SFXN1: variants seen among roughly 807,000 people sequenced by gnomAD.
SFXN1 encodes sideroflexin-1.
A neutral mutation model predicts 39.5 loss-of-function variants in SFXN1; 32 were observed. That is an observed-to-expected ratio of 0.81 (90% CI 0.61 to 1.09). SFXN1 has a LOEUF of 1.09. Among genes scored for constraint, SFXN1 ranks in the 50% least tolerant of loss-of-function variants. The probability of loss-of-function intolerance (pLI) is 0.00; values close to 1 mark genes in which losing one functional copy is unlikely to be tolerated. For synonymous variants in SFXN1, 136 were observed against 146.5 expected (o/e 0.93, Z 0.52); for missense variants, 402 against 407.1 (o/e 0.99, Z 0.11).
chr5:175,508,222 ATTTTTTT>A (rs67028708), intron 2 of SFXN1, among the ~76,000 whole-genome samples: 1 of 63,908 alleles, frequency 1.6e-5, no homozygotes, highest in Admixed American at 2.4e-4. Context: ...AATAGATTTG[ATTTTTTT>A]TTTTTTTTTT....
At chr5:175,480,206 C>T (rs1759183739) in intron 1 of SFXN1, among the ~76,000 whole-genome samples, 1 of 152,182 alleles carries the variant, frequency 6.6e-6, no homozygotes, top group Non-Finnish European at 1.5e-5. Flanking sequence ...TCAAGACCAT[C>T]CTGGCTAAGC....
chr5:175,524,758 A>G (rs1430569792), intron 10 of SFXN1, among the ~76,000 whole-genome samples: 1 of 152,202 alleles, frequency 6.6e-6, no homozygotes, highest in Non-Finnish European at 1.5e-5. Flanking sequence ...TAGAAACAAA[A>G]TAGACAGTTG....
intron 8 of SFXN1, among the ~76,000 whole-genome samples, chr5:175,521,352 G>A (rs1379262046): frequency 1.3e-5 from 2 of 152,002 alleles, no homozygotes; most frequent in Admixed American, 6.6e-5. Flanking sequence ...GGTGTAAAGT[G>A]GGGTGAGGGA....
At chr5:175,510,301 A>C in intron 4 of SFXN1, 94 bp downstream of exon 4, 2 of 960,916 alleles carry the variant, frequency 2.1e-6, no homozygotes, top group Non-Finnish European at 3.2e-6. Flanking sequence ...CTATGTGTGC[A>C]TATTTTTATA....
intron 2 of SFXN1, among the ~76,000 whole-genome samples, chr5:175,501,684 C>T (rs1760089404): frequency 6.6e-6 from 1 of 152,108 alleles, no homozygotes; most frequent in South Asian, 2.1e-4. Context: ...AGACTTAGGA[C>T]ACTTCACCAT....
chr5:175,512,236 A>G (rs1348952876), intron 6 of SFXN1, 40 bp downstream of exon 6: 2 of 1,546,422 alleles, frequency 1.3e-6, no homozygotes, highest in Admixed American at 1.7e-5. Context: ...CATGTGCTTG[A>G]CAGGAGAGTC....
intron 8 of SFXN1, among the ~76,000 whole-genome samples, chr5:175,517,777 C>CG (rs1760755539): frequency 6.6e-6 from 1 of 152,168 alleles, no homozygotes; most frequent in Non-Finnish European, 1.5e-5. Flanking sequence ...GCGGGCTTCA[C>CG]CATGCCTCTT....
At chr5:175,511,353 T>C in intron 4 of SFXN1, 98 bp from the exon 5 acceptor site, 2 of 902,320 alleles carry the variant, frequency 2.2e-6, no homozygotes, top group South Asian at 2.9e-5. Flanking sequence ...TTCTGAATCA[T>C]GCTCTTTTAT....
At chr5:175,489,879 C>T (rs557040386) in intron 1 of SFXN1, among the ~76,000 whole-genome samples, 83 of 152,320 alleles carry the variant, frequency 5.4e-4, no homozygotes, top group African/African-American at 1.9e-3. Flanking sequence ...CTTCCCCGCA[C>T]CCTTCTCTAC....
At chr5:175,522,086 C>A in intron 9 of SFXN1, 118 bp downstream of exon 9, 1 of 801,310 alleles carries the variant, frequency 1.2e-6, no homozygotes, top group Non-Finnish European at 2.0e-6. Flanking sequence ...CTCAGAACAT[C>A]TGGAATGCAT....
intron 2 of SFXN1, among the ~76,000 whole-genome samples, chr5:175,493,973 G>C (rs1759760121): frequency 6.6e-6 from 1 of 152,188 alleles, no homozygotes. Flanking sequence ...CCGTGGACTG[G>C]TGTTTGCCAA....
intron 2 of SFXN1, among the ~76,000 whole-genome samples, chr5:175,506,941 G>A (rs1760328372): frequency 6.6e-6 from 1 of 152,202 alleles, no homozygotes; most frequent in East Asian, 1.9e-4. Flanking sequence ...TGGGATTACA[G>A]GCGTGAGCCA....
chr5:175,488,518 C>G (rs573840608), intron 1 of SFXN1, among the ~76,000 whole-genome samples: 12 of 152,092 alleles, frequency 7.9e-5, no homozygotes, highest in South Asian at 6.2e-4. Flanking sequence ...AGGCTGGTCT[C>G]GAACTCCTGA....
chr5:175,525,332 G>A (rs1020202906), intron 10 of SFXN1, among the ~76,000 whole-genome samples: 2 of 152,118 alleles, frequency 1.3e-5, no homozygotes, highest in African/African-American at 4.8e-5. Flanking sequence ...TTATAATACT[G>A]GACTTACAGA....
chr5:175,507,315 A>G (rs1205618095), intron 2 of SFXN1, among the ~76,000 whole-genome samples: 1 of 152,182 alleles, frequency 6.6e-6, no homozygotes, highest in Non-Finnish European at 1.5e-5. Context: ...ATAGGGTCAC[A>G]TTCTGAGGTT....
intron 8 of SFXN1, among the ~76,000 whole-genome samples, chr5:175,517,861 C>T (rs930971148): frequency 6.6e-6 from 1 of 152,124 alleles, no homozygotes; most frequent in Non-Finnish European, 1.5e-5. Context: ...GTTGGCCTTC[C>T]GCTTGTTCCC....
intron 1 of SFXN1, among the ~76,000 whole-genome samples, chr5:175,479,910 T>C (rs903662680): frequency 1.3e-5 from 2 of 152,188 alleles, no homozygotes; most frequent in Admixed American, 6.5e-5. Flanking sequence ...TCTGCTTCAG[T>C]GTTCTAGGCA....
chr5:175,494,344 T>C (rs1044655755), intron 2 of SFXN1, among the ~76,000 whole-genome samples: 2 of 152,244 alleles, frequency 1.3e-5, no homozygotes, highest in East Asian at 1.9e-4. Context: ...TTTTCATCTC[T>C]ACGCTGAATG....
At chr5:175,517,072 A>G (rs1760734374) in intron 8 of SFXN1, among the ~76,000 whole-genome samples, 1 of 152,210 alleles carries the variant, frequency 6.6e-6, no homozygotes, top group South Asian at 2.1e-4. Flanking sequence ...TCTCAGTGAC[A>G]AACACTGAAC....
Sources: gnomAD v4.1 joint callset for allele counts (sites outside exome capture counted in the v4.1 genomes callset) on GRCh38, gnomAD v4.1.1 for gene constraint, MANE v1.5 for transcripts, NCBI Gene and HGNC (gene_info 2026-07-23, HGNC 2026-07-21) for gene names.